Variants in RPTOR observed in about 807,000 individuals in gnomAD.
RPTOR encodes regulatory associated protein of MTOR complex 1.
In RPTOR, 21 loss-of-function variants were observed where a neutral mutation model predicts 169.9. The observed-to-expected ratio is 0.12, with a 90% confidence interval of 0.09 to 0.18. The LOEUF (loss-of-function observed/expected upper bound fraction) is 0.18, where lower values mean the gene tolerates loss of function less well. Among genes scored for constraint, RPTOR ranks in the 10% least tolerant of loss-of-function variants. The probability of loss-of-function intolerance (pLI) is 1.00; values close to 1 mark genes in which losing one functional copy is unlikely to be tolerated. For synonymous variants in RPTOR, 732 were observed against 753.2 expected, an observed-to-expected ratio of 0.97 and a Z score of 0.46; for missense variants, 1,133 against 1,855.9, an observed-to-expected ratio of 0.61 and a Z score of 7.16.
intron 21 of RPTOR, among the ~76,000 whole-genome samples, chr17:80,918,517 C>G (rs1177124163): frequency 7.7e-6 from 1 of 129,360 alleles, no homozygotes; most frequent in Non-Finnish European, 1.7e-5. Flanking sequence ...CCATGAGCAC[C>G]CTCGCGGGGG....
At chr17:80,925,553 C>T (rs531714137) in intron 24 of RPTOR, 73 bp downstream of exon 24, 4 of 1,226,574 alleles carry the variant, frequency 3.3e-6, no homozygotes, top group East Asian at 2.4e-5. Context: ...TGAGCATAAA[C>T]GCTCAAGGCT....
chr17:80,856,572 C>T (rs2067854376), intron 12 of RPTOR, among the ~76,000 whole-genome samples: 1 of 152,172 alleles, frequency 6.6e-6, no homozygotes, highest in African/African-American at 2.4e-5. Flanking sequence ...ACCACTGGGC[C>T]ATTTTCACTC....
intron 2 of RPTOR, among the ~76,000 whole-genome samples, chr17:80,636,865 A>G (rs958099648): frequency 1.3e-5 from 2 of 152,118 alleles, no homozygotes; most frequent in Non-Finnish European, 1.5e-5. Context: ...AGGGCTGACT[A>G]CGAAAGAGGG....
At chr17:80,700,436 A>ATGATGGTGGTGGTGG (rs2066075981) in intron 3 of RPTOR, among the ~76,000 whole-genome samples, 5 of 47,626 alleles carry the variant, frequency 1.0e-4, no homozygotes, top group Admixed American at 3.2e-4. Context: ...GGTGGTGGTT[A>ATGATGGTGGTGGTGG]TGATGGTGGT....
chr17:80,599,489 CCAATGCCTG>C (rs1163999923), intron 1 of RPTOR, among the ~76,000 whole-genome samples: 1 of 152,328 alleles, frequency 6.6e-6, no homozygotes, highest in Non-Finnish European at 1.5e-5. Context: ...TAATCAAATC[CCAATGCCTG>C]CAGCTCTGGC....
chr17:80,904,895 T>TA (rs1349431896), intron 20 of RPTOR, among the ~76,000 whole-genome samples: 1 of 152,210 alleles, frequency 6.6e-6, no homozygotes, highest in Non-Finnish European at 1.5e-5. Context: ...CCACTGTCAC[T>TA]AAAAAGACTG....
At chr17:80,715,980 G>A (rs2066236342) in intron 4 of RPTOR, among the ~76,000 whole-genome samples, 1 of 152,160 alleles carries the variant, frequency 6.6e-6, no homozygotes. Flanking sequence ...ATGGGCATTT[G>A]GGTTGGTTCC....
At chr17:80,689,554 G>A (rs1188207360) in intron 3 of RPTOR, among the ~76,000 whole-genome samples, 1 of 152,232 alleles carries the variant, frequency 6.6e-6, no homozygotes, top group African/African-American at 2.4e-5. Flanking sequence ...TCATCAGATA[G>A]TTAGCGAGGA....
intron 10 of RPTOR, among the ~76,000 whole-genome samples, chr17:80,846,057 CCAT>C (rs2067725901): frequency 1.3e-5 from 2 of 152,246 alleles, no homozygotes; most frequent in South Asian, 4.1e-4. Context: ...GATTCACACA[CCAT>C]GACTCCCAAG....
intron 5 of RPTOR, among the ~76,000 whole-genome samples, chr17:80,733,910 T>C (rs1312362569): frequency 6.6e-6 from 1 of 152,250 alleles, no homozygotes; most frequent in African/African-American, 2.4e-5. Context: ...AGCTCATTTC[T>C]TCCATTTTCA....
chr17:80,769,079 A>G (rs9897830), intron 6 of RPTOR, among the ~76,000 whole-genome samples: 41,527 of 152,086 alleles, frequency 0.27, 5,833 homozygotes, highest in African/African-American at 0.33. Flanking sequence ...GTGCTGTCAC[A>G]TAGACCTGTA....
intron 13 of RPTOR, among the ~76,000 whole-genome samples, chr17:80,877,259 G>A (rs1411525777): frequency 6.6e-6 from 1 of 152,240 alleles, no homozygotes; most frequent in East Asian, 1.9e-4. Context: ...AGCGAAGTGG[G>A]AGCTCCCAGG....
At chr17:80,765,943 G>T (rs992425682) in intron 6 of RPTOR, among the ~76,000 whole-genome samples, 2 of 152,216 alleles carry the variant, frequency 1.3e-5, no homozygotes, top group African/African-American at 4.8e-5. Flanking sequence ...AACAGTATTA[G>T]AATTCCTGAC....
intron 7 of RPTOR, among the ~76,000 whole-genome samples, chr17:80,809,162 C>T (rs964542527): frequency 3.3e-5 from 5 of 152,190 alleles, no homozygotes; most frequent in Non-Finnish European, 7.3e-5. Context: ...GCATCCATGT[C>T]GACACTTGGC....
intron 6 of RPTOR, among the ~76,000 whole-genome samples, chr17:80,783,378 C>A (rs1383751082): frequency 6.6e-6 from 1 of 152,208 alleles, no homozygotes; most frequent in African/African-American, 2.4e-5. Flanking sequence ...ATTAAATCAC[C>A]TACATTTTAC....
At chr17:80,756,276 A>G (rs926917721) in intron 6 of RPTOR, among the ~76,000 whole-genome samples, 2 of 152,228 alleles carry the variant, frequency 1.3e-5, no homozygotes, top group African/African-American at 4.8e-5. Context: ...CACAGCAAGA[A>G]GGTCCTTGCC....
chr17:80,802,338 A>G (rs2067169144), intron 7 of RPTOR: 1 of 152,364 alleles, frequency 6.6e-6, no homozygotes, highest in Non-Finnish European at 1.5e-5. Context: ...TCACACCTGT[A>G]ATCCCAACAC....
At chr17:80,742,617 A>G (rs12943019) in intron 5 of RPTOR, among the ~76,000 whole-genome samples, 27,364 of 146,540 alleles carry the variant, frequency 0.19, 2,915 homozygotes, top group East Asian at 0.25. Flanking sequence ...TGCCACACAC[A>G]TACACACGCA....
At chr17:80,864,404 C>T (rs770174361) in intron 13 of RPTOR, among the ~76,000 whole-genome samples, 2 of 149,988 alleles carry the variant, frequency 1.3e-5, no homozygotes, top group Non-Finnish European at 2.9e-5. Flanking sequence ...AGATTTCCTA[C>T]AGATGGAAAA....
Sources: gnomAD v4.1 joint callset for allele counts (sites outside exome capture counted in the v4.1 genomes callset) on GRCh38, gnomAD v4.1.1 for gene constraint, MANE v1.5 for transcripts, NCBI Gene and HGNC (gene_info 2026-07-23, HGNC 2026-07-21) for gene names.